Variants in ADAMTS6 observed in about 807,000 individuals in gnomAD.
The protein encoded by ADAMTS6 is A disintegrin and metalloproteinase with thrombospondin motifs 6.
Under a neutral mutation model 144.3 loss-of-function variants are expected in ADAMTS6, and 23 were observed. The observed-to-expected ratio is 0.16, with a 90% confidence interval of 0.11 to 0.23. The LOEUF is 0.23. Among genes scored for constraint, ADAMTS6 ranks in the 10% least tolerant of loss-of-function variants. ADAMTS6 has a pLI of 1.00. For missense variants in ADAMTS6, 999 were observed against 1,379.6 expected (o/e 0.72, Z 4.37); for synonymous variants, 444 against 457.5 (o/e 0.97, Z 0.38).
chr5:65,343,884 G>A (rs944291721), intron 7 of ADAMTS6, among the ~76,000 whole-genome samples: 12 of 151,952 alleles, frequency 7.9e-5, no homozygotes, highest in Admixed American at 5.9e-4. Context: ...TTTAAGGAAT[G>A]GGCAAATAAT....
chr5:65,360,043 G>C (rs1749681078), intron 7 of ADAMTS6, among the ~76,000 whole-genome samples: 1 of 152,142 alleles, frequency 6.6e-6, no homozygotes, highest in Non-Finnish European at 1.5e-5. Flanking sequence ...CTCTTGCACT[G>C]CTATAAAGAA....
intron 15 of ADAMTS6, among the ~76,000 whole-genome samples, chr5:65,231,928 G>A (rs1175070234): frequency 6.6e-6 from 1 of 152,044 alleles, no homozygotes; most frequent in Non-Finnish European, 1.5e-5. Flanking sequence ...AGGCCAACAT[G>A]TTGAAACCTA....
At chr5:65,178,346 T>C (rs1047212600) in intron 22 of ADAMTS6, among the ~76,000 whole-genome samples, 3 of 152,230 alleles carry the variant, frequency 2.0e-5, no homozygotes, top group African/African-American at 7.2e-5. Context: ...CACATCAATT[T>C]AAAGCTTGAA....
chr5:65,237,630 T>C (rs1463188831), intron 15 of ADAMTS6, among the ~76,000 whole-genome samples: 1 of 152,046 alleles, frequency 6.6e-6, no homozygotes, highest in Admixed American at 6.5e-5. Context: ...TACCAAAACT[T>C]AGCAAAGACA....
chr5:65,227,191 G>A (rs1006503591), intron 15 of ADAMTS6, among the ~76,000 whole-genome samples: 7 of 151,984 alleles, frequency 4.6e-5, no homozygotes, highest in Non-Finnish European at 8.8e-5. Context: ...TATTATATTT[G>A]AATAATTAAA....
At chr5:65,215,558 G>A in intron 18 of ADAMTS6, 71 bp from the exon 19 acceptor site, 1 of 1,349,004 alleles carries the variant, frequency 7.4e-7, no homozygotes, top group Non-Finnish European at 1.0e-6. Context: ...ATTAATTACT[G>A]CAATAAAGTA....
intron 3 of ADAMTS6, among the ~76,000 whole-genome samples, chr5:65,465,037 G>A (rs532748652): frequency 6.6e-6 from 1 of 152,080 alleles, no homozygotes; most frequent in East Asian, 1.9e-4. Flanking sequence ...AACTTTGCTG[G>A]GCCTGCACCT....
intron 7 of ADAMTS6, among the ~76,000 whole-genome samples, chr5:65,370,325 G>A (rs536445742): frequency 1.3e-5 from 2 of 152,288 alleles, no homozygotes; most frequent in African/African-American, 2.4e-5. Context: ...CATGAGCAAC[G>A]CAGAAGGCGG....
chr5:65,402,768 T>C (rs1754042592), intron 7 of ADAMTS6, among the ~76,000 whole-genome samples: 1 of 151,832 alleles, frequency 6.6e-6, no homozygotes, highest in Non-Finnish European at 1.5e-5. Flanking sequence ...TTTTCCCCCG[T>C]CTCTCCTACA....
intron 8 of ADAMTS6, 45 bp downstream of exon 8, chr5:65,333,997 T>TAAAAAAAAAAAAAAAAAAAAAAAAA: frequency 3.6e-6 from 3 of 841,056 alleles, no homozygotes; most frequent in East Asian, 5.1e-5. Flanking sequence ...CTACCTTTAT[T>TAAAAAAAAAAAAAAAAAAAAAAAAA]AAAAAAAAAA....
In ADAMTS6 at chr5:65,226,939, C is replaced by T. The variant is rs189074115; in HGVS notation, c.1934-720G>A. Among the ~76,000 whole-genome samples the T allele has an allele frequency of 1.9e-3, 290 of 152,248 alleles. 2 individuals are homozygous for T. Among genetic ancestry groups the T allele is most frequent in the African/African-American group, 6.6e-3 (276 of 41,540 alleles). ...AAATAAAATAACCTTGTCTAACAAA[C>T]AGAAGTTTCTGCTACATATGTTACT... On this transcript the variant is annotated intron_variant, in intron 15 of 24. Transcript: ENST00000381055.
intron 9 of ADAMTS6, among the ~76,000 whole-genome samples, chr5:65,324,162 C>T (rs1179219590): frequency 6.6e-6 from 1 of 152,244 alleles, no homozygotes; most frequent in Non-Finnish European, 1.5e-5. Flanking sequence ...GTTGCCATTG[C>T]TTTTGGTGTT....
At chr5:65,272,745 C>G (rs1762148008) in intron 12 of ADAMTS6, among the ~76,000 whole-genome samples, 1 of 151,692 alleles carries the variant, frequency 6.6e-6, no homozygotes, top group Non-Finnish European at 1.5e-5. Flanking sequence ...CATGGTGAAA[C>G]CCCGTCTCTA....
chr5:65,342,791 T>C (rs1747972024), intron 7 of ADAMTS6, among the ~76,000 whole-genome samples: 2 of 152,094 alleles, frequency 1.3e-5, no homozygotes, highest in Admixed American at 6.6e-5. Flanking sequence ...CATAATCTTA[T>C]ATATAGAAAA....
chr5:65,286,234 A>T (rs1025167404), intron 11 of ADAMTS6, among the ~76,000 whole-genome samples: 1 of 152,234 alleles, frequency 6.6e-6, no homozygotes, highest in African/African-American at 2.4e-5. Flanking sequence ...CGCTGAAAAA[A>T]GTGCCCAAAA....
intron 21 of ADAMTS6, among the ~76,000 whole-genome samples, chr5:65,192,467 A>G (rs1043556616): frequency 6.6e-6 from 1 of 152,030 alleles, no homozygotes; most frequent in Admixed American, 6.6e-5. Flanking sequence ...ACAGTATCAT[A>G]CAGGAATAAT....
chr5:65,268,894 G>A (rs1463541092), intron 12 of ADAMTS6, among the ~76,000 whole-genome samples: 3 of 152,120 alleles, frequency 2.0e-5, no homozygotes, highest in African/African-American at 4.8e-5. Context: ...GCTATCACTC[G>A]AGCAGTATTT....
At chr5:65,195,648 T>C (rs923580147) in intron 21 of ADAMTS6, among the ~76,000 whole-genome samples, 2 of 152,256 alleles carry the variant, frequency 1.3e-5, no homozygotes, top group African/African-American at 4.8e-5. Flanking sequence ...GGATTATTTA[T>C]GTATTTTAAC....
rs371771229 is a variant in ADAMTS6 at position 65,305,892 on chromosome 5, C to G, written c.1224-5761G>C. ...CGTCCTTGGGCCTTTTGTGATCCTC[C>G]ACATCTTGCTGCAGGTGCCTGATCA... On this transcript the variant is annotated intron_variant, in intron 9 of 24. Coordinates refer to ENST00000381055, the MANE Select transcript of ADAMTS6 (RefSeq NM_197941.4). 1.6e-4 allele frequency among the ~76,000 whole-genome samples: 25 copies of G among 152,254 alleles called. 1 individual carries two copies. The East Asian group carries it at 4.8e-3, about 29-fold the overall frequency.
Sources: gnomAD v4.1 joint callset for allele counts (sites outside exome capture counted in the v4.1 genomes callset) on GRCh38, gnomAD v4.1.1 for gene constraint, MANE v1.5 for transcripts, NCBI Gene and HGNC (gene_info 2026-07-23, HGNC 2026-07-21) for gene names.